FARS2: variants seen among roughly 807,000 people sequenced by gnomAD.
FARS2 encodes the protein phenylalanyl-tRNA synthetase 2, mitochondrial.
FARS2 carries 40 observed loss-of-function variants against 46.4 expected under a neutral mutation model. The ratio of observed to expected loss-of-function variants is 0.86; its 90% CI spans 0.67 to 1.12. The LOEUF (loss-of-function observed/expected upper bound fraction) is 1.12, where lower values mean the gene tolerates loss of function less well. Among genes scored for constraint, FARS2 ranks in the 50% most tolerant of loss-of-function variants. The probability of loss-of-function intolerance (pLI) is 0.00; values close to 1 mark genes in which losing one functional copy is unlikely to be tolerated. For missense variants in FARS2, 513 were observed against 567.9 expected (o/e 0.90, Z 0.98); for synonymous variants, 234 against 214.9 (o/e 1.09, Z -0.78).
chr6:5,254,185 T>C, the FARS2 span, among the ~76,000 whole-genome samples: 1 of 152,236 alleles, frequency 6.6e-6, no homozygotes, highest in African/African-American at 2.4e-5. Context: ...GTCTCCATAA[T>C]GACCCTTGAC....
At chr6:5,572,726 T>C (rs1772727488) in intron 5 of FARS2, among the ~76,000 whole-genome samples, 1 of 152,142 alleles carries the variant, frequency 6.6e-6, no homozygotes, top group South Asian at 2.1e-4. Flanking sequence ...AGGGTGCTTC[T>C]ATCCATCCTA....
At chr6:5,669,231 A>T (rs1778319466) in intron 6 of FARS2, among the ~76,000 whole-genome samples, 1 of 152,100 alleles carries the variant, frequency 6.6e-6, no homozygotes, top group South Asian at 2.1e-4. Context: ...CTGGCCTCCT[A>T]TGCCATTGCC....
At chr6:5,465,947 G>A (rs986245676) in intron 4 of FARS2, among the ~76,000 whole-genome samples, 3 of 152,060 alleles carry the variant, frequency 2.0e-5, no homozygotes, top group African/African-American at 7.2e-5. Flanking sequence ...TTCCACTGTA[G>A]GAGAATCAAT....
chr6:5,393,646 A>G (rs1760719474), intron 2 of FARS2, among the ~76,000 whole-genome samples: 1 of 151,010 alleles, frequency 6.6e-6, no homozygotes, highest in Admixed American at 6.6e-5. Context: ...ACAGACCGAG[A>G]CTCCACCTAA....
At chr6:5,375,601 T>C (rs1445349597) in intron 2 of FARS2, among the ~76,000 whole-genome samples, 5 of 152,088 alleles carry the variant, frequency 3.3e-5, no homozygotes, top group African/African-American at 4.8e-5. Context: ...TTAAGACTTA[T>C]ACTTGTGTAG....
At chr6:5,469,449 G>A (rs75955518) in intron 4 of FARS2, among the ~76,000 whole-genome samples, 5,519 of 152,244 alleles carry the variant, frequency 0.036, 313 homozygotes, top group African/African-American at 0.13. Flanking sequence ...TCTCTAAACA[G>A]CTGCAGAGAG....
intron 6 of FARS2, among the ~76,000 whole-genome samples, chr6:5,679,145 C>T (rs1240811048): frequency 6.6e-6 from 1 of 152,190 alleles, no homozygotes; most frequent in Admixed American, 6.5e-5. Flanking sequence ...TGACATGCTG[C>T]AATTGACCTG....
chr6:5,714,083 TGA>T (rs1360151707), intron 6 of FARS2, among the ~76,000 whole-genome samples: 1 of 152,172 alleles, frequency 6.6e-6, no homozygotes, highest in Admixed American at 6.5e-5. Context: ...TGTGTGTGTG[TGA>T]GTGCGCGTGT....
chr6:5,390,163 C>A (rs1338357311), intron 2 of FARS2, among the ~76,000 whole-genome samples: 1 of 152,174 alleles, frequency 6.6e-6, no homozygotes, highest in Non-Finnish European at 1.5e-5. Flanking sequence ...TGCACCCAGC[C>A]TCTACTACAG....
chr6:5,581,894 C>A (rs142453903), intron 5 of FARS2, among the ~76,000 whole-genome samples: 1 of 151,404 alleles, frequency 6.6e-6, no homozygotes, highest in Non-Finnish European at 1.5e-5. Flanking sequence ...AACATACTTA[C>A]GGTTAATTCC....
intron 4 of FARS2, among the ~76,000 whole-genome samples, chr6:5,488,481 T>C (rs1766908514): frequency 1.3e-5 from 2 of 152,228 alleles, no homozygotes; most frequent in African/African-American, 4.8e-5. Flanking sequence ...TCTGTACTAA[T>C]ATTTGGCCAT....
At chr6:5,434,498 C>T (rs1763408815) in intron 4 of FARS2, among the ~76,000 whole-genome samples, 1 of 152,060 alleles carries the variant, frequency 6.6e-6, no homozygotes, top group South Asian at 2.1e-4. Context: ...TCTGTGTAGA[C>T]TTTGCTATTT....
chr6:5,353,726 G>GTTTTTTTTTTTTTTTTTTTTTTTT (rs55998904), intron 1 of FARS2, among the ~76,000 whole-genome samples: 1 of 40,362 alleles, frequency 2.5e-5, no homozygotes, highest in Non-Finnish European at 4.3e-5. Context: ...AATATTTGGT[G>GTTTTTTTTTTTTTTTTTTTTTTTT]TTTTTTTTTT....
intron 4 of FARS2, among the ~76,000 whole-genome samples, chr6:5,462,965 G>A (rs541433231): frequency 6.6e-6 from 1 of 152,318 alleles, no homozygotes; most frequent in African/African-American, 2.4e-5. Flanking sequence ...TTTTCTGAAA[G>A]GGCTAGGTAG....
intron 1 of FARS2, among the ~76,000 whole-genome samples, chr6:5,279,174 G>A (rs953440611): frequency 4.0e-5 from 6 of 151,892 alleles, no homozygotes; most frequent in Admixed American, 1.3e-4. Flanking sequence ...TCAGGAAATC[G>A]AGAACACCCT....
intron 1 of FARS2, among the ~76,000 whole-genome samples, chr6:5,363,697 C>T (rs1266856893): frequency 6.6e-6 from 1 of 152,128 alleles, no homozygotes; most frequent in Non-Finnish European, 1.5e-5. Context: ...AGGAAACAGG[C>T]CCGTTTCCTT....
chr6:5,456,339 T>C (rs915134520), intron 4 of FARS2, among the ~76,000 whole-genome samples: 4 of 152,220 alleles, frequency 2.6e-5, no homozygotes, highest in African/African-American at 9.6e-5. Context: ...CTCCTACAGC[T>C]TGCATTCACG....
chr6:5,515,597 T>A (rs1768737499), intron 4 of FARS2, among the ~76,000 whole-genome samples: 1 of 152,010 alleles, frequency 6.6e-6, no homozygotes. Context: ...CCCAACTAAT[T>A]TTTGTATTTT....
In FARS2 at chr6:5,341,212, TATATATATATATATA is replaced by T. The variant is rs1771568019; in HGVS notation, c.-21-27337_-21-27323del. ...AGATATATATATATATATATATATA[TATATATATATATATA>T]TATATATATTTTTTTTTTTTTTTTT... On this transcript the variant is annotated intron_variant, in intron 1 of 6. Transcript: ENST00000274680. 4.6e-3 allele frequency among the ~76,000 whole-genome samples: 30 copies of T among 6,494 alleles called. 4 individuals carry two copies. The highest frequency in any genetic ancestry group is 9.7e-3 in the African/African-American group (19 of 1,962). The allele number at this position is 6,494 out of a possible 152,430, so 4.3% of individuals were successfully genotyped here.
Sources: gnomAD v4.1 joint callset for allele counts (sites outside exome capture counted in the v4.1 genomes callset) on GRCh38, gnomAD v4.1.1 for gene constraint, MANE v1.5 for transcripts, NCBI Gene and HGNC (gene_info 2026-07-23, HGNC 2026-07-21) for gene names.